Variants in CILK1 observed in about 807,000 individuals in gnomAD.
The protein encoded by CILK1 is ciliogenesis associated kinase 1, also known as serine/threonine-protein kinase ICK.
Under a neutral mutation model 79.2 loss-of-function variants are expected in CILK1, and 47 were observed. The observed-to-expected ratio is 0.59, with a 90% CI of 0.47 to 0.76. CILK1 has a LOEUF of 0.76. Ranked by LOEUF, CILK1 falls within the 30% of genes least tolerant of loss-of-function variation. The pLI is 0.00. For missense variants in CILK1, 660 were observed against 769.5 expected (o/e 0.86, Z 1.68); for synonymous variants, 266 against 275.9 (o/e 0.96, Z 0.36).
At chr6:53,016,937 C>T (rs778445345) in intron 7 of CILK1, among the ~76,000 whole-genome samples, 3 of 152,228 alleles carry the variant, frequency 2.0e-5, no homozygotes, top group Admixed American at 6.5e-5. Context: ...TAGCTTTTAT[C>T]GTTCATTCAC....
Position 53,011,923 on chromosome 6 carries a change from T to C in CILK1, c.1344-6A>G, listed in dbSNP as rs1405326610. ...GGTCCAAAACACTCTCAAACCTGAA[T>C]GAAGAGAGCATGGCTTGGGTCAGCA... On this transcript the variant is annotated splice_polypyrimidine_tract_variant and splice_region_variant and intron_variant, in intron 10 of 13. Transcript: ENST00000676107. 6.2e-7 allele frequency: 1 copy of C among 1,614,174 alleles called. No homozygotes were observed.
Position 53,005,128 on chromosome 6 carries a change from A to T in CILK1, c.*21T>A. On this transcript the variant is annotated 3_prime_UTR_variant, in exon 14 of 14. Transcript: ENST00000676107. Reference sequence around the variant, plus strand: ...GTATCCTGCTTCTCCCTAGGAAGAGATTCATCACCAAGGCAGACAGTCATC... The same window carrying T: ...GTATCCTGCTTCTCCCTAGGAAGAGTTTCATCACCAAGGCAGACAGTCATC... 3 of 1,613,884 alleles carry T rather than the reference A, an allele frequency of 1.9e-6. No individual in the cohort carries two copies. The highest frequency in any genetic ancestry group is 2.5e-6 in the Non-Finnish European group (3 of 1,179,962).
At chr6:53,053,711 A>G (rs182748377) in intron 1 of CILK1, among the ~76,000 whole-genome samples, 41 of 152,350 alleles carry the variant, frequency 2.7e-4, no homozygotes, top group African/African-American at 9.6e-4. Context: ...CCCAAATATG[A>G]AAATGAATGA....
chr6:53,038,072 T>C, intron 2 of CILK1, 79 bp from the exon 3 acceptor site: 1 of 928,116 alleles, frequency 1.1e-6, no homozygotes, highest in South Asian at 1.3e-5. Context: ...AATGCTTCCA[T>C]TCTGATCCTA....
At chr6:53,035,333 A>G (rs1198266784) in intron 3 of CILK1, among the ~76,000 whole-genome samples, 1 of 152,088 alleles carries the variant, frequency 6.6e-6, no homozygotes, top group Non-Finnish European at 1.5e-5. Flanking sequence ...AAAAGAGTTT[A>G]ATGATATGGG....
At chr6:53,025,453 T>C (rs1050471929) in intron 5 of CILK1, among the ~76,000 whole-genome samples, 1 of 152,196 alleles carries the variant, frequency 6.6e-6, no homozygotes, top group Non-Finnish European at 1.5e-5. Context: ...GTCATGCTCC[T>C]GTAAACACTG....
rs1764111667 is a variant in CILK1 at position 53,004,557 on chromosome 6, T to G, written c.*592A>C. On this transcript the variant is annotated 3_prime_UTR_variant, in exon 14 of 14. Transcript: ENST00000676107. The stretch of plus-strand genomic sequence containing the variant: ...GAATTATATAATATAATAGTCCTTT[T>G]AGAACAGCAGAGTGGTATCCAAAAA... 1 of 152,936 alleles carries G rather than the reference T, an allele frequency of 6.5e-6. No homozygotes were observed. The highest frequency in any genetic ancestry group is 1.5e-5 in the Non-Finnish European group (1 of 68,368). 9.5% of individuals were successfully genotyped at this position (152,936 alleles called of 1,614,324 possible).
chr6:53,046,976 T>C (rs1327436911), intron 1 of CILK1, among the ~76,000 whole-genome samples: 1 of 152,096 alleles, frequency 6.6e-6, no homozygotes, highest in African/African-American at 2.4e-5. Flanking sequence ...ACTGTAAAAA[T>C]GTTGGCGAAT....
intron 13 of CILK1, among the ~76,000 whole-genome samples, chr6:53,005,612 C>T (rs142747700): frequency 2.8e-3 from 426 of 152,268 alleles, no homozygotes; most frequent in African/African-American, 7.8e-3. Flanking sequence ...ACTACTACCA[C>T]GCTGGCCCAA....
intron 12 of CILK1, 36 bp downstream of exon 12, chr6:53,009,403 C>T (rs1764425747): frequency 6.2e-7 from 1 of 1,610,890 alleles, no homozygotes; most frequent in Non-Finnish European, 8.5e-7. Context: ...AGGGAATTTG[C>T]TTTTTGCCAT....
intron 1 of CILK1, among the ~76,000 whole-genome samples, chr6:53,044,883 G>A (rs1304041186): frequency 1.3e-5 from 2 of 152,088 alleles, no homozygotes; most frequent in South Asian, 2.1e-4. Flanking sequence ...ATTTGATCTT[G>A]GACTCTCCAG....
chr6:53,022,022 G>T (rs1211997318), intron 5 of CILK1, among the ~76,000 whole-genome samples: 1 of 151,858 alleles, frequency 6.6e-6, no homozygotes, highest in African/African-American at 2.4e-5. Flanking sequence ...TAGCAAAAAA[G>T]TTAAAAAAGT....
At chr6:53,059,772 T>C (rs532496526) in intron 1 of CILK1, among the ~76,000 whole-genome samples, 1 of 152,326 alleles carries the variant, frequency 6.6e-6, no homozygotes, top group East Asian at 1.9e-4. Flanking sequence ...GGAGAGAAAC[T>C]GAAGGTTGCA....
intron 1 of CILK1, among the ~76,000 whole-genome samples, chr6:53,059,473 A>G (rs1208436905): frequency 6.6e-6 from 1 of 152,224 alleles, no homozygotes; most frequent in Non-Finnish European, 1.5e-5. Flanking sequence ...AGAAATAGAA[A>G]GAGGAAATAT....
intron 1 of CILK1, among the ~76,000 whole-genome samples, chr6:53,049,909 C>T (rs1160099942): frequency 5.3e-5 from 8 of 151,888 alleles, no homozygotes; most frequent in African/African-American, 1.9e-4. Flanking sequence ...TTCGTAGAGA[C>T]GGGGTCTTGC....
Position 53,011,751 on chromosome 6 carries a change from C to T in CILK1, c.1492+18G>A, listed in dbSNP as rs751948631. 1.2e-6 allele frequency: 2 copies of T among 1,611,942 alleles called. No individual in the cohort carries two copies. Among genetic ancestry groups the T allele is most frequent in the South Asian group, 2.2e-5 (2 of 91,038 alleles). On this transcript the variant is annotated intron_variant, in intron 11 of 13. Coordinates refer to ENST00000676107, the MANE Select transcript of CILK1 (RefSeq NM_014920.5). Reference sequence around the variant, plus strand: ...TTTCTTATTAATAATCAAAGTAAAGCCAAGTCATTTATATTACCAGGCAAG... The same window carrying T: ...TTTCTTATTAATAATCAAAGTAAAGTCAAGTCATTTATATTACCAGGCAAG...
At chr6:53,038,407 C>T (rs758290783) in intron 2 of CILK1, among the ~76,000 whole-genome samples, 1 of 152,190 alleles carries the variant, frequency 6.6e-6, no homozygotes, top group Non-Finnish European at 1.5e-5. Flanking sequence ...ATGTGGCTAG[C>T]ACAATGTGGG....
intron 11 of CILK1, 132 bp downstream of exon 11, chr6:53,011,637 A>G: frequency 3.3e-6 from 3 of 908,236 alleles, no homozygotes; most frequent in Non-Finnish European, 5.5e-6. Context: ...AAATATTTCT[A>G]TGATGTTCCC....
chr6:53,018,601 T>C, intron 6 of CILK1, 100 bp from the exon 7 acceptor site: 1 of 1,195,940 alleles, frequency 8.4e-7, no homozygotes, highest in Non-Finnish European at 1.2e-6. Context: ...ATGTTCCTAT[T>C]TTCTCTCTAG....
Sources: gnomAD v4.1 joint callset for allele counts (sites outside exome capture counted in the v4.1 genomes callset) on GRCh38, gnomAD v4.1.1 for gene constraint, MANE v1.5 for transcripts, NCBI Gene and HGNC (gene_info 2026-07-23, HGNC 2026-07-21) for gene names.